RTN1: variants seen among roughly 807,000 people sequenced by gnomAD.
RTN1 encodes the protein reticulon 1.
Under a neutral mutation model 65.5 loss-of-function variants are expected in RTN1, and 25 were observed. The ratio of observed to expected loss-of-function variants is 0.38; its 90% confidence interval spans 0.28 to 0.53. The LOEUF (loss-of-function observed/expected upper bound fraction) is 0.53. RTN1 is among the 20% of genes least tolerant of loss of function. The pLI is 0.79. For synonymous variants in RTN1, 471 were observed against 447.6 expected, an observed-to-expected ratio of 1.05 and a Z score of -0.66; for missense variants, 983 against 1,025.4, an observed-to-expected ratio of 0.96 and a Z score of 0.57.
In RTN1 at chr14:59,749,320, C is replaced by CTATATATATCTA. The variant is rs1237200086; in HGVS notation, c.242-2840_242-2839insTAGATATATATA. 1.7e-4 allele frequency among the ~76,000 whole-genome samples: 3 copies of CTATATATATCTA among 17,772 alleles called. 1 individual carries two copies. Among genetic ancestry groups the CTATATATATCTA allele is most frequent in the Non-Finnish European group, 2.6e-4 (3 of 11,560 alleles). The allele number at this position is 17,772 out of a possible 152,430, so 11.7% of individuals were successfully genotyped here. A position where few individuals can be genotyped will look rare whatever the true frequency, so the allele number is the denominator to read the frequency against. On this transcript the variant is annotated intron_variant, in intron 1 of 8. Transcript: ENST00000267484. ...TATCTATATATATCTATATATATAT[C>CTATATATATCTA]TATATATCTATATATATCTATATAT... is the stretch of plus-strand genomic sequence containing the variant.
chr14:59,784,866 T>C (rs181977318), intron 1 of RTN1, among the ~76,000 whole-genome samples: 16 of 152,340 alleles, frequency 1.1e-4, no homozygotes, highest in African/African-American at 3.6e-4. Context: ...GAAGACAGGA[T>C]GAAAAATAGG....
chr14:59,805,986 C>A (rs1190024967), intron 1 of RTN1, among the ~76,000 whole-genome samples: 1 of 152,014 alleles, frequency 6.6e-6, no homozygotes, highest in Non-Finnish European at 1.5e-5. Flanking sequence ...GCTTGTAATC[C>A]CCCCACTTTG....
At chr14:59,724,449 A>G (rs1313778931) in intron 3 of RTN1, among the ~76,000 whole-genome samples, 2 of 152,226 alleles carry the variant, frequency 1.3e-5, no homozygotes, top group African/African-American at 4.8e-5. Context: ...AAATTAATGC[A>G]TGCATACTGC....
rs143602787 is a variant in RTN1, at chr14:59,846,790, G to GT, written c.241+23599dup. Among the ~76,000 whole-genome samples, 836 of 152,276 alleles carry GT rather than the reference G, an allele frequency of 5.5e-3. 10 individuals are homozygous for GT. The highest frequency in any genetic ancestry group is 0.02 in the African/African-American group (816 of 41,562). ...TTCGTAGCCAGGTGTCCGCATACCT[G>GT]TTTGAGATGCACAGTCTGTCCAACT... On this transcript the variant is annotated intron_variant, in intron 1 of 8. Coordinates refer to ENST00000267484, the MANE Select transcript of RTN1 (RefSeq NM_021136.3). The surrounding 1 kb of genome is among the most constrained non-coding windows in gnomAD (Gnocchi z 4.8).
In RTN1 at chr14:59,727,044, G is replaced by A. The variant is rs776096398; in HGVS notation, c.1640C>T (p.Thr547Met). 14 of 1,613,224 alleles carry A rather than the reference G, an allele frequency of 8.7e-6. No homozygotes were observed. The East Asian group carries it at 2.7e-4, about 31-fold the overall frequency. The change falls in exon 3 of 9, where the codon ACG becomes ATG. Residue 547 changes from threonine to methionine, a missense_variant. Thr to Met is a moderately conservative substitution (Grantham distance 81, BLOSUM62 -1). Coordinates refer to ENST00000267484, the MANE Select transcript of RTN1 (RefSeq NM_021136.3). This position sits in a 1 kb window ranked among gnomAD's most constrained non-coding sequence, Gnocchi z 4.2. ...PPGDGALEPE[T>M]PMLPRKPEED... is the part of the protein sequence containing the mutation. The stretch of plus-strand genomic sequence containing the variant: ...TTCAGGCTTCCGTGGCAACATGGGC[G>A]TCTCAGGCTCCAGGGCTCCGTCTCC...
intron 3 of RTN1, among the ~76,000 whole-genome samples, chr14:59,679,818 A>G (rs1883707581): frequency 6.6e-6 from 1 of 152,170 alleles, no homozygotes; most frequent in African/African-American, 2.4e-5. Flanking sequence ...ACTTGCATAT[A>G]ATTTTCCAGA....
chr14:59,610,131 A>G (rs1471279274), intron 3 of RTN1: 6 of 777,298 alleles, frequency 7.7e-6, no homozygotes, highest in Non-Finnish European at 1.4e-5. Flanking sequence ...CCTGGTAGAA[A>G]TGGCATGCCC....
Position 59,867,603 on chromosome 14 carries a change from T to C in RTN1, c.241+2787A>G, listed in dbSNP as rs367645429. On this transcript the variant is annotated intron_variant, in intron 1 of 8. Coordinates refer to ENST00000267484, the MANE Select transcript of RTN1 (RefSeq NM_021136.3). ...TCCAGGACACTGCTGAGACATATTT[T>C]TGGAAATGTTCCTGGGATAATTTTA... is the stretch of plus-strand genomic sequence containing the variant. 2.0e-5 allele frequency among the ~76,000 whole-genome samples: 3 copies of C among 152,234 alleles called. No homozygotes were observed. In the East Asian group the frequency reaches 5.8e-4, roughly 29 times the overall value.
intron 1 of RTN1, among the ~76,000 whole-genome samples, chr14:59,764,656 C>A (rs1041473192): frequency 3.3e-5 from 5 of 152,120 alleles, no homozygotes; most frequent in African/African-American, 4.8e-5. Context: ...ATCACTATAA[C>A]ATTTTTTAAA....
chr14:59,869,881 G>A (rs1485763896), intron 1 of RTN1, among the ~76,000 whole-genome samples: 1 of 152,138 alleles, frequency 6.6e-6, no homozygotes, highest in Non-Finnish European at 1.5e-5. Flanking sequence ...TTCGTGGAGG[G>A]CAAGGGTAAG....
intron 3 of RTN1, among the ~76,000 whole-genome samples, chr14:59,672,675 C>T (rs111257701): frequency 0.37 from 48,548 of 132,872 alleles, 10,250 homozygotes; most frequent in East Asian, 0.49. Flanking sequence ...GCTCTGTCGC[C>T]CAGGCCGGAC....
chr14:59,747,924 T>C (rs986302543), intron 1 of RTN1, among the ~76,000 whole-genome samples: 4 of 152,144 alleles, frequency 2.6e-5, no homozygotes, highest in African/African-American at 9.7e-5. Context: ...ATCAAAACAG[T>C]GGCAGTAACA....
At chr14:59,630,573 G>A (rs1359331277) in intron 3 of RTN1, 9 of 1,603,926 alleles carry the variant, frequency 5.6e-6, no homozygotes, top group Non-Finnish European at 7.7e-6. Flanking sequence ...AAGCGTTGGT[G>A]CCCGGCTGCT....
At chr14:59,721,169 C>T (rs1166153329) in intron 3 of RTN1, among the ~76,000 whole-genome samples, 1 of 152,148 alleles carries the variant, frequency 6.6e-6, no homozygotes, top group Non-Finnish European at 1.5e-5. Flanking sequence ...GAGAAGACCT[C>T]CACCTGGTAG....
chr14:59,846,602 C>G lies in RTN1; in HGVS notation c.241+23788G>C, dbSNP rs2139658203. Among the ~76,000 whole-genome samples, 1 of 152,220 alleles carries G rather than the reference C, an allele frequency of 6.6e-6. No individual in the cohort carries two copies. The highest frequency in any genetic ancestry group is 6.5e-5 in the Admixed American group (1 of 15,296). On this transcript the variant is annotated intron_variant, in intron 1 of 8. Coordinates refer to ENST00000267484, the MANE Select transcript of RTN1 (RefSeq NM_021136.3). The surrounding 1 kb of genome is among the most constrained non-coding windows in gnomAD (Gnocchi z 4.8). Reference sequence around the variant, plus strand: ...GTATCCCAAGGGCCTTTGGGTGTAGCCTACACCCATGACACAGGGAGTTTA... The same window carrying G: ...GTATCCCAAGGGCCTTTGGGTGTAGGCTACACCCATGACACAGGGAGTTTA...
At chr14:59,786,398 T>C (rs1242577197) in intron 1 of RTN1, among the ~76,000 whole-genome samples, 1 of 152,226 alleles carries the variant, frequency 6.6e-6, no homozygotes, top group African/African-American at 2.4e-5. Flanking sequence ...TTACGAGTAG[T>C]AGCAGAAGTG....
At chr14:59,630,628 C>T in intron 3 of RTN1, 1 of 1,399,386 alleles carries the variant, frequency 7.1e-7, no homozygotes, top group Non-Finnish European at 9.3e-7. Context: ...GAGACTGAGG[C>T]TGCACCAGGC....
rs1408406122 is a variant in RTN1, at chr14:59,611,213, C to G, written c.1766-3721G>C. ...CCTTGGGCAGTTACAAATTTGGGGG[C>G]TCATCCAGGATTGCCCTTGTGGCTA... On this transcript the variant is annotated intron_variant, in intron 3 of 8. Coordinates refer to ENST00000267484, the MANE Select transcript of RTN1 (RefSeq NM_021136.3). 2.0e-5 allele frequency among the ~76,000 whole-genome samples: 3 copies of G among 152,310 alleles called. No individual in the cohort carries two copies. In the East Asian group the frequency reaches 5.8e-4, roughly 29 times the overall value.
chr14:59,722,380 T>C (rs1884665328), intron 3 of RTN1, among the ~76,000 whole-genome samples: 1 of 152,046 alleles, frequency 6.6e-6, no homozygotes, highest in South Asian at 2.1e-4. Flanking sequence ...AAAACCTGCA[T>C]GGGTGACAGC....
Sources: gnomAD v4.1 joint callset for allele counts (sites outside exome capture counted in the v4.1 genomes callset) on GRCh38, gnomAD v4.1.1 for gene constraint, Gnocchi (gnomAD v3.1) non-coding constraint, MANE v1.5 for transcripts, NCBI Gene and HGNC (gene_info 2026-07-23, HGNC 2026-07-21) for gene names.